NRXN2: variants seen among roughly 807,000 people sequenced by gnomAD.
NRXN2 encodes neurexin-2-beta.
In NRXN2, 29 loss-of-function variants were observed where a neutral mutation model predicts 128.8. That is an observed-to-expected ratio of 0.23 (90% CI 0.17 to 0.31). NRXN2 has a LOEUF of 0.31. Among genes scored for constraint, NRXN2 ranks in the 10% least tolerant of loss-of-function variants. The probability of loss-of-function intolerance (pLI) is 1.00; values close to 1 mark genes in which losing one functional copy is unlikely to be tolerated. For synonymous variants in NRXN2, 1,098 were observed against 1,075.2 expected, an observed-to-expected ratio of 1.02 and a Z score of -0.41; for missense variants, 1,881 against 2,452.6, an observed-to-expected ratio of 0.77 and a Z score of 4.92.
At chr11:64,683,964 C>T (rs375399552) in intron 6 of NRXN2, among the ~76,000 whole-genome samples, 1 of 152,162 alleles carries the variant, frequency 6.6e-6, no homozygotes, top group African/African-American at 2.4e-5. Context: ...TCACTTGAGT[C>T]CTAGGGTGTT....
chr11:64,619,921 T>C lies in NRXN2; in HGVS notation c.4252+373A>G, dbSNP rs147220634. On this transcript the variant is annotated intron_variant, in intron 22 of 22. Transcript: ENST00000265459. ...CAGGGGCAGGTGGGAGTTGTGGTTC[T>C]GGACCCAAGAACTGATGGGAGTTGT... Among the ~76,000 whole-genome samples, 529 of 152,262 alleles carry C rather than the reference T, an allele frequency of 3.5e-3. 2 individuals carry two copies. The highest frequency in any genetic ancestry group is 0.014 in the Middle Eastern group (4 of 294).
intron 11 of NRXN2, chr11:64,659,827 C>T: frequency 4.5e-6 from 1 of 223,928 alleles, no homozygotes; most frequent in South Asian, 7.7e-5. Flanking sequence ...CACACACCAA[C>T]ACACAGACTG....
At position 64,648,320 on chromosome 11, in the gene NRXN2, G is replaced by A. The variant is rs761999950; in HGVS notation, c.3302C>T (p.Thr1101Ile). 34 of 1,614,128 alleles carry A rather than the reference G, an allele frequency of 2.1e-5. 1 individual carries two copies. Among genetic ancestry groups the A allele is most frequent in the Non-Finnish European group, 2.5e-5 (30 of 1,180,052 alleles). Reference sequence around the variant, plus strand: ...GCCCTGGTTGGCACAGGACTCTTCAGTGCAGGTGGTGCTGGGGCCTGGAAG... The same window carrying A: ...GCCCTGGTTGGCACAGGACTCTTCAATGCAGGTGGTGCTGGGGCCTGGAAG... ...RGCDGPSTTC[T>I]EESCANQGVC... The change falls in exon 17 of 23, where the codon ACT (threonine) becomes ATT (isoleucine). Residue 1101 changes from threonine (T) to isoleucine (I), a missense_variant. Thr to Ile is a moderately conservative substitution (Grantham distance 89, BLOSUM62 -1). Coordinates refer to ENST00000265459, the MANE Select transcript of NRXN2 (RefSeq NM_015080.4). The surrounding 1 kb of genome is among the most constrained non-coding windows in gnomAD (Gnocchi z 4.1).
At chr11:64,703,591 C>T (rs1354691183) in intron 2 of NRXN2, among the ~76,000 whole-genome samples, 2 of 152,146 alleles carry the variant, frequency 1.3e-5, no homozygotes, top group South Asian at 4.1e-4. Context: ...AAAACACAAC[C>T]AACTTTGTCT....
At position 64,630,345 on chromosome 11, in the gene NRXN2, T is replaced by C. The variant is rs2043710501; in HGVS notation, c.3757+57A>G. On this transcript the variant is annotated intron_variant, in intron 19 of 22. Coordinates refer to ENST00000265459, the MANE Select transcript of NRXN2 (RefSeq NM_015080.4). The surrounding 1 kb of genome is among the most constrained non-coding windows in gnomAD (Gnocchi z 4.6). Reference sequence around the variant, plus strand: ...CCGCCCCGGTGCGGCCGCACTCCTATCAGAGGCCGCCACCCGCCCCGCCAC... The same window carrying C: ...CCGCCCCGGTGCGGCCGCACTCCTACCAGAGGCCGCCACCCGCCCCGCCAC... 4.9e-6 allele frequency: 7 copies of C among 1,428,936 alleles called. No homozygotes were observed. The Admixed American group carries it at 1.3e-4, about 27-fold the overall frequency. 88.5% of individuals were successfully genotyped at this position (1,428,936 alleles called of 1,614,324 possible).
intron 17 of NRXN2, among the ~76,000 whole-genome samples, chr11:64,636,577 C>T (rs571958847): frequency 6.6e-6 from 1 of 152,110 alleles, no homozygotes; most frequent in Non-Finnish European, 1.5e-5. Context: ...AAATAATTAG[C>T]CACTAATGAC....
chr11:64,695,950 C>T (rs1031796010), intron 3 of NRXN2, among the ~76,000 whole-genome samples: 15 of 152,116 alleles, frequency 9.9e-5, no homozygotes, highest in Admixed American at 8.5e-4. Flanking sequence ...CAGACTCCTT[C>T]TTCCCAAGTG....
intron 5 of NRXN2, chr11:64,688,708 T>C (rs913405439): frequency 2.0e-5 from 20 of 985,162 alleles, no homozygotes; most frequent in Non-Finnish European, 2.3e-5. Flanking sequence ...TCTCCCACAG[T>C]TGGGGAGTCT....
chr11:64,706,577 A>G (rs1036365677), intron 2 of NRXN2, among the ~76,000 whole-genome samples: 2 of 152,076 alleles, frequency 1.3e-5, no homozygotes, highest in Non-Finnish European at 2.9e-5. Flanking sequence ...TTAGCATTCA[A>G]TGTGAGTTAA....
rs2048833989 is a variant in NRXN2, at chr11:64,660,273, G to GGT, written c.2389+57_2389+58dup. 6.4e-7 allele frequency: 1 copy of GGT among 1,570,914 alleles called. No homozygotes were observed. The highest frequency in any genetic ancestry group is 1.3e-5 in the African/African-American group (1 of 74,128). On this transcript the variant is annotated intron_variant, in intron 11 of 22. Transcript: ENST00000265459. This position sits in a 1 kb window ranked among gnomAD's most constrained non-coding sequence, Gnocchi z 5.2. ...CCACCAGCTTCTCCAGACAGAGGCA[G>GGT]GTGTGGGTCAGAGACAAGGCCAGGT...
chr11:64,721,745 A>G (rs1345718582), intron 1 of NRXN2, among the ~76,000 whole-genome samples: 4 of 152,086 alleles, frequency 2.6e-5, no homozygotes, highest in Admixed American at 6.5e-5. Flanking sequence ...AAGGTAGACA[A>G]CAGGGAAGGA....
At position 64,632,050 on chromosome 11, in the gene NRXN2, C is replaced by T. The variant is rs1369080682; in HGVS notation, c.3586-1477G>A. 6.6e-6 allele frequency among the ~76,000 whole-genome samples: 1 copy of T among 152,214 alleles called. No homozygotes were observed. Among genetic ancestry groups the T allele is most frequent in the Admixed American group, 6.5e-5 (1 of 15,282 alleles). On this transcript the variant is annotated intron_variant, in intron 18 of 22. Transcript: ENST00000265459. This position sits in a 1 kb window ranked among gnomAD's most constrained non-coding sequence, Gnocchi z 4.2. ...GGACATGTGGAACATTCAGCTGCCACCTCCTTCCTGCATCTAGCAGAGCCG... is the reference window on the plus strand; with the variant it reads ...GGACATGTGGAACATTCAGCTGCCATCTCCTTCCTGCATCTAGCAGAGCCG...
At position 64,713,372 on chromosome 11, in the gene NRXN2, C is replaced by A; in HGVS notation, c.328G>T (p.Asp110Tyr). Reference sequence around the variant, plus strand: ...GTCAGCAGCACCATGTGCCAGCGGTCGTCGGCCACCGGCGTGTCCAGCTGC... The same window carrying A: ...GTCAGCAGCACCATGTGCCAGCGGTAGTCGGCCACCGGCGTGTCCAGCTGC... ...TLQLDTPVAD[D>Y]RWHMVLLTRD... The change falls in exon 2 of 23, where the codon GAC becomes TAC. Residue 110 changes from aspartate to tyrosine, a missense_variant. Coordinates refer to ENST00000265459, the MANE Select transcript of NRXN2 (RefSeq NM_015080.4). 1 of 1,444,964 alleles carries A rather than the reference C, an allele frequency of 6.9e-7. No homozygotes were observed. The highest frequency in any genetic ancestry group is 1.4e-5 in the South Asian group (1 of 73,470). The allele number at this position is 1,444,964 out of a possible 1,614,324, so 89.5% of individuals were successfully genotyped here.
At position 64,648,113 on chromosome 11, in the gene NRXN2, C is replaced by G; in HGVS notation, c.3403+106G>C. ...ACAAGGGATGAGAAGGAAGAAGCAG[C>G]ACAGCTCCTGAATGCTCAGAGGCCC... On this transcript the variant is annotated intron_variant, in intron 17 of 22. Transcript: ENST00000265459. This position sits in a 1 kb window ranked among gnomAD's most constrained non-coding sequence, Gnocchi z 4.1. The G allele has an allele frequency of 6.7e-7, 1 of 1,501,742 alleles. No individual in the cohort carries two copies. The highest frequency in any genetic ancestry group is 1.7e-5 in the Admixed American group (1 of 59,560). 93.0% of individuals were successfully genotyped at this position (1,501,742 alleles called of 1,614,324 possible).
rs2047336248 is a variant in NRXN2, at chr11:64,650,683, T to A, written c.2919-45A>T. The A allele has an allele frequency of 2.5e-6, 4 of 1,587,250 alleles. No individual in the cohort carries two copies. The African/African-American group carries it at 5.4e-5, about 21-fold the overall frequency. ...AGACACTGGGTCAGGGCGGGGGTGA[T>A]GCTGGGAAGGTGGGGTGAGGAGGAG... On this transcript the variant is annotated intron_variant, in intron 14 of 22. Transcript: ENST00000265459.
In NRXN2 at chr11:64,632,195, C is replaced by T. The variant is rs570826950; in HGVS notation, c.3586-1622G>A. Among the ~76,000 whole-genome samples the T allele has an allele frequency of 1.3e-5, 2 of 152,316 alleles. No homozygotes were observed. Among genetic ancestry groups the T allele is most frequent in the South Asian group, 4.1e-4 (2 of 4,828 alleles). ...AGCTGTGGCTCAGGAGACCCATGTC[C>T]TATCCCTTCCCACTTGTGGGGTCCA... is the stretch of plus-strand genomic sequence containing the variant. On this transcript the variant is annotated intron_variant, in intron 18 of 22. Coordinates refer to ENST00000265459, the MANE Select transcript of NRXN2 (RefSeq NM_015080.4). This position sits in a 1 kb window ranked among gnomAD's most constrained non-coding sequence, Gnocchi z 4.2.
At chr11:64,626,311 C>T in intron 20 of NRXN2, 152 bp downstream of exon 20, 1 of 650,290 alleles carries the variant, frequency 1.5e-6, no homozygotes, top group Non-Finnish European at 2.7e-6. Flanking sequence ...ACCCTTGACT[C>T]CAAAGGGGAA....
In NRXN2 at chr11:64,642,174, T is replaced by C. The variant is rs2045778402; in HGVS notation, c.3403+6045A>G. On this transcript the variant is annotated intron_variant, in intron 17 of 22. Coordinates refer to ENST00000265459, the MANE Select transcript of NRXN2 (RefSeq NM_015080.4). Reference sequence around the variant, plus strand: ...TAAGGGGCCGAGATGGAGAAGGTGATGCGCAAGAGAAATGGAAGGCAGAGC... The same window carrying C: ...TAAGGGGCCGAGATGGAGAAGGTGACGCGCAAGAGAAATGGAAGGCAGAGC... Among the ~76,000 whole-genome samples the C allele has an allele frequency of 2.0e-5, 3 of 150,530 alleles. 1 individual carries two copies. The highest frequency in any genetic ancestry group is 3.9e-4 in the East Asian group (2 of 5,118).
Position 64,606,968 on chromosome 11 carries a change from G to A in NRXN2, c.*228C>T, listed in dbSNP as rs950093296. The A allele has an allele frequency of 1.0e-5, 6 of 577,798 alleles. No homozygotes were observed. The highest frequency in any genetic ancestry group is 4.6e-4 in the Middle Eastern group (1 of 2,188). 35.8% of individuals were successfully genotyped at this position (577,798 alleles called of 1,614,324 possible). A position where few individuals can be genotyped will look rare whatever the true frequency, so the allele number is the denominator to read the frequency against. On this transcript the variant is annotated 3_prime_UTR_variant, in exon 23 of 23. Transcript: ENST00000265459. ...ACGTGCCCTGCCTGGCAGGCGCAGA[G>A]CTGAGAGGGACAGTCAGCCCCGGGA...
Sources: allele counts gnomAD v4.1 joint callset (sites outside exome capture counted in the v4.1 genomes callset), GRCh38; gene constraint gnomAD v4.1.1; non-coding constraint Gnocchi (gnomAD v3.1); transcripts MANE v1.5; gene names NCBI Gene and HGNC (gene_info 2026-07-23, HGNC 2026-07-21).